TENM4: variants seen among roughly 807,000 people sequenced by gnomAD.
The protein encoded by TENM4 is teneurin-4.
In TENM4, 82 loss-of-function variants were observed where a neutral mutation model predicts 243.3. That is an observed-to-expected ratio of 0.34 (90% CI 0.28 to 0.40). The LOEUF (loss-of-function observed/expected upper bound fraction) is 0.40. Among genes scored for constraint, TENM4 ranks in the 10% least tolerant of loss-of-function variants. TENM4 has a pLI of 1.00. For missense variants in TENM4, 3,138 were observed against 3,673.3 expected, an observed-to-expected ratio of 0.85 and a Z score of 3.77; for synonymous variants, 1,412 against 1,456.3, an observed-to-expected ratio of 0.97 and a Z score of 0.69.
At chr11:79,138,569 C>A (rs1448938712) in intron 4 of TENM4, among the ~76,000 whole-genome samples, 10 of 29,032 alleles carry the variant, frequency 3.4e-4, no homozygotes, top group African/African-American at 6.8e-4. Flanking sequence ...ATACATAAAA[C>A]ATATATTTAT....
At chr11:79,113,394 T>G (rs1057247912) in intron 4 of TENM4, among the ~76,000 whole-genome samples, 2 of 144,624 alleles carry the variant, frequency 1.4e-5, no homozygotes, top group Admixed American at 6.9e-5. Context: ...ATTGGATTGG[T>G]GTGTGTGTGT....
At chr11:78,897,935 T>G (rs987287418) in intron 7 of TENM4, among the ~76,000 whole-genome samples, 1 of 152,170 alleles carries the variant, frequency 6.6e-6, no homozygotes. Flanking sequence ...TGAGATGAGA[T>G]GAGCTGGAGC....
chr11:78,882,847 C>T (rs914575828), intron 9 of TENM4, among the ~76,000 whole-genome samples: 3 of 152,226 alleles, frequency 2.0e-5, no homozygotes, highest in Non-Finnish European at 4.4e-5. Flanking sequence ...TAAACTATCA[C>T]CACTTCAAGC....
At chr11:79,015,314 A>G (rs1858743859) in intron 6 of TENM4, among the ~76,000 whole-genome samples, 1 of 151,920 alleles carries the variant, frequency 6.6e-6, no homozygotes, top group Non-Finnish European at 1.5e-5. Context: ...AATCTCAAAC[A>G]CCTTTGCTGC....
intron 2 of TENM4, among the ~76,000 whole-genome samples, chr11:79,279,014 G>A (rs796119265): frequency 1.3e-5 from 2 of 152,290 alleles, no homozygotes; most frequent in African/African-American, 4.8e-5. Context: ...CCAGACACAC[G>A]TCTGCTTTCA....
chr11:78,700,350 A>G (rs1859074064), intron 28 of TENM4, among the ~76,000 whole-genome samples: 1 of 152,218 alleles, frequency 6.6e-6, no homozygotes, highest in Non-Finnish European at 1.5e-5. Flanking sequence ...AGGAGCCTTC[A>G]GAGCCTCAGT....
rs191145063 is a variant in TENM4, at chr11:78,716,193, T to C, written c.3822-3479A>G. On this transcript the variant is annotated intron_variant, in intron 25 of 33. Coordinates refer to ENST00000278550, the MANE Select transcript of TENM4 (RefSeq NM_001098816.3). ...ACTCCAAAGTCTGTGTTCTTTCTACTTCCCCACCCTGCTGCCCAGGATCTA... is the reference window on the plus strand; with the variant it reads ...ACTCCAAAGTCTGTGTTCTTTCTACCTCCCCACCCTGCTGCCCAGGATCTA... 6.9e-3 allele frequency among the ~76,000 whole-genome samples: 1,048 copies of C among 152,186 alleles called. 11 individuals carry two copies. The highest frequency in any genetic ancestry group is 8.2e-3 in the Non-Finnish European group (557 of 68,002).
intron 9 of TENM4, among the ~76,000 whole-genome samples, chr11:78,870,390 C>T (rs1859090896): frequency 1.3e-5 from 2 of 152,124 alleles, no homozygotes. Context: ...TCACCTGCTC[C>T]CATTAGCTGA....
In TENM4 at chr11:78,658,484, G is replaced by A; in HGVS notation, c.7884C>T (p.Asp2628=). ...CCCCACTGAGGCCCAGGATGGCCAG[G>A]TCACCTTCTGAAGGTCCTGGTTTCA... ...YFVKPGPSEG[D]LAILGLSGGR... Residue 2628 remains aspartate (D), a synonymous_variant, in exon 34 of 34, where the codon GAC becomes GAT. Transcript: ENST00000278550. 1 of 1,614,062 alleles carries A rather than the reference G, an allele frequency of 6.2e-7. No homozygotes were observed. Among genetic ancestry groups the A allele is most frequent in the Non-Finnish European group, 8.5e-7 (1 of 1,179,912 alleles).
At chr11:79,257,233 A>G (rs1397324420) in intron 2 of TENM4, among the ~76,000 whole-genome samples, 2 of 152,194 alleles carry the variant, frequency 1.3e-5, no homozygotes, top group Non-Finnish European at 2.9e-5. Context: ...GGGCCAGCCT[A>G]GTAGCCTCTC....
At chr11:78,802,034 C>T (rs891797825) in intron 15 of TENM4, among the ~76,000 whole-genome samples, 9 of 152,190 alleles carry the variant, frequency 5.9e-5, no homozygotes, top group South Asian at 2.1e-4. Flanking sequence ...AGCCATTCAA[C>T]GAGTGGGGAG....
chr11:78,823,960 G>A (rs947088504), intron 12 of TENM4, among the ~76,000 whole-genome samples: 7 of 152,132 alleles, frequency 4.6e-5, no homozygotes, highest in African/African-American at 1.7e-4. Context: ...TATGTAGGAA[G>A]GGAAAGTGTT....
intron 6 of TENM4, among the ~76,000 whole-genome samples, chr11:78,959,934 TAC>T (rs369515794): frequency 1.8e-4 from 28 of 151,836 alleles, no homozygotes; most frequent in Non-Finnish European, 3.5e-4. Context: ...ATTACACATA[TAC>T]ACACACACAC....
At chr11:79,254,676 T>G (rs1429816466) in intron 2 of TENM4, among the ~76,000 whole-genome samples, 1 of 152,210 alleles carries the variant, frequency 6.6e-6, no homozygotes, top group Non-Finnish European at 1.5e-5. Context: ...TTATATTAAG[T>G]GCTGCAACTG....
intron 4 of TENM4, among the ~76,000 whole-genome samples, chr11:79,139,790 TTTATATAAATATATA>T (rs1862247722): frequency 8.4e-6 from 1 of 119,656 alleles, no homozygotes; most frequent in Non-Finnish European, 1.6e-5. Context: ...ATATATTATA[TTTATATAAATATATA>T]ATATATATTT....
intron 2 of TENM4, among the ~76,000 whole-genome samples, chr11:79,280,833 G>T (rs1856145134): frequency 6.6e-6 from 1 of 152,222 alleles, no homozygotes; most frequent in Non-Finnish European, 1.5e-5. Context: ...GTGGGAGCAG[G>T]AGCTGTGGGC....
intron 1 of TENM4, among the ~76,000 whole-genome samples, chr11:79,315,510 G>A (rs1856788743): frequency 6.6e-6 from 1 of 152,212 alleles, no homozygotes; most frequent in African/African-American, 2.4e-5. Context: ...GCAGGCACAG[G>A]TTTGCCTCCT....
Position 78,657,538 on chromosome 11 carries a change from G to T in TENM4, c.*520C>A. ...GAAGAAATCCACCACTCTTCTGCAG[G>T]AGCCCTGCCAAGGAGCCTCAGGTCC... On this transcript the variant is annotated 3_prime_UTR_variant, in exon 34 of 34. Transcript: ENST00000278550. 1 of 262,836 alleles carries T rather than the reference G, an allele frequency of 3.8e-6. No individual in the cohort carries two copies. The highest frequency in any genetic ancestry group is 7.2e-6 in the Non-Finnish European group (1 of 139,460). The allele number at this position is 262,836 out of a possible 1,614,324, so 16.3% of individuals were successfully genotyped here. A position where few individuals can be genotyped will look rare whatever the true frequency, so the allele number is the denominator to read the frequency against.
intron 28 of TENM4, among the ~76,000 whole-genome samples, chr11:78,698,254 T>C (rs1859013531): frequency 1.3e-5 from 2 of 151,922 alleles, no homozygotes; most frequent in Admixed American, 1.3e-4. Flanking sequence ...ATACAAAAAT[T>C]AGCCGGGCGT....
Sources: allele counts gnomAD v4.1 joint callset (sites outside exome capture counted in the v4.1 genomes callset), GRCh38; gene constraint gnomAD v4.1.1; transcripts MANE v1.5; gene names NCBI Gene and HGNC (gene_info 2026-07-23, HGNC 2026-07-21).